AHSA1: variants seen among roughly 807,000 people sequenced by gnomAD.
AHSA1 encodes the protein activator of 90 kDa heat shock protein ATPase homolog 1.
A neutral mutation model predicts 46.1 loss-of-function variants in AHSA1; 14 were observed. The ratio of observed to expected loss-of-function variants is 0.30; its 90% CI spans 0.20 to 0.47. The LOEUF (loss-of-function observed/expected upper bound fraction) is 0.47. Among genes scored for constraint, AHSA1 ranks in the 20% least tolerant of loss-of-function variants. The pLI is 0.99. For missense variants in AHSA1, 333 were observed against 415.9 expected (o/e 0.80, Z 1.73); for synonymous variants, 147 against 145.8 (o/e 1.01, Z -0.06).
intron 5 of AHSA1, 22 bp downstream of exon 5, chr14:77,464,708 G>C (rs369974885): frequency 5.6e-6 from 9 of 1,604,318 alleles, no homozygotes; most frequent in Non-Finnish European, 6.8e-6. Flanking sequence ...TCCTGGGGTG[G>C]GAGACTGTCT....
At chr14:77,466,460 TA>T (rs2079048369) in intron 6 of AHSA1, 1 of 152,450 alleles carries the variant, frequency 6.6e-6, no homozygotes, top group Non-Finnish European at 1.5e-5. Flanking sequence ...TATTATCTGA[TA>T]GTAAAGGTGG....
At chr14:77,467,121 A>G (rs1381774242) in intron 6 of AHSA1, among the ~76,000 whole-genome samples, 4 of 152,232 alleles carry the variant, frequency 2.6e-5, no homozygotes, top group Admixed American at 6.5e-5. Flanking sequence ...GGAGTAGGCC[A>G]GGCACAGTGG....
chr14:77,469,108 C>T lies in AHSA1; in HGVS notation c.876C>T (p.Ile292=), dbSNP rs1206405823. 7 of 1,614,018 alleles carry T rather than the reference C, an allele frequency of 4.3e-6. No individual in the cohort carries two copies. The highest frequency in any genetic ancestry group is 4.0e-5 in the African/African-American group (3 of 74,918). ...TTGCCACCATCACCTTGACCTTCAT[C>T]GACAAGAACGGAGAGACTGAGCTGT... is the stretch of plus-strand genomic sequence containing the variant. ...GHFATITLTF[I]DKNGETELCM... is the part of the protein sequence containing the mutation. The change falls in exon 9 of 9, where the codon ATC becomes ATT. Residue 292 remains isoleucine (I), a synonymous_variant. Coordinates refer to ENST00000216479, the MANE Select transcript of AHSA1 (RefSeq NM_012111.3).
In AHSA1 at chr14:77,464,586, TTA is replaced by T; in HGVS notation, c.473-10_473-9del. 1 of 1,608,052 alleles carries T rather than the reference TTA, an allele frequency of 6.2e-7. No homozygotes were observed. Among genetic ancestry groups the T allele is most frequent in the Non-Finnish European group, 8.5e-7 (1 of 1,177,818 alleles). On this transcript the variant is annotated splice_polypyrimidine_tract_variant and intron_variant, in intron 4 of 8. Coordinates refer to ENST00000216479, the MANE Select transcript of AHSA1 (RefSeq NM_012111.3). Reference sequence around the variant, plus strand: ...GAAGTAACTTCCATGAGCTGGAATTTTATCTTTTCAGAGTTCACCCAGGGCAT... The same window carrying T: ...GAAGTAACTTCCATGAGCTGGAATTTTCTTTTCAGAGTTCACCCAGGGCAT...
intron 7 of AHSA1, 93 bp downstream of exon 7, chr14:77,468,277 C>CT (rs2079057131): frequency 2.7e-6 from 3 of 1,100,052 alleles, no homozygotes; most frequent in Non-Finnish European, 2.6e-6. Context: ...AAATGTAAGG[C>CT]TTTAATCTCT....
At chr14:77,461,441 A>C (rs2079024157) in intron 2 of AHSA1, among the ~76,000 whole-genome samples, 1 of 152,138 alleles carries the variant, frequency 6.6e-6, no homozygotes, top group Admixed American at 6.5e-5. Context: ...GAAGCAGAAG[A>C]ATTGCTTGAA....
intron 2 of AHSA1, among the ~76,000 whole-genome samples, chr14:77,461,490 A>G (rs993561037): frequency 3.9e-5 from 6 of 152,160 alleles, no homozygotes; most frequent in Admixed American, 2.0e-4. Flanking sequence ...AGATCATGCC[A>G]CTGCAATCCA....
intron 7 of AHSA1, 75 bp downstream of exon 7, chr14:77,468,259 T>A: frequency 9.6e-7 from 1 of 1,038,408 alleles, no homozygotes; most frequent in Non-Finnish European, 1.4e-6. Flanking sequence ...TTCTGAACTC[T>A]ATAGGTAAAA....
intron 6 of AHSA1, among the ~76,000 whole-genome samples, chr14:77,466,932 A>G (rs1269587093): frequency 2.6e-5 from 4 of 152,252 alleles, no homozygotes; most frequent in African/African-American, 7.2e-5. Context: ...TAAAGTTTTC[A>G]GAGTTTTAAA....
At position 77,465,783 on chromosome 14, in the gene AHSA1, C is replaced by T. The variant is rs1005434317; in HGVS notation, c.690+116C>T. 61 of 1,047,632 alleles carry T rather than the reference C, an allele frequency of 5.8e-5. 1 individual carries two copies. Among genetic ancestry groups the T allele is most frequent in the Admixed American group, 1.2e-4 (4 of 32,900 alleles). The allele number at this position is 1,047,632 out of a possible 1,614,324, so 64.9% of individuals were successfully genotyped here. On this transcript the variant is annotated intron_variant, in intron 6 of 8. Coordinates refer to ENST00000216479, the MANE Select transcript of AHSA1 (RefSeq NM_012111.3). ...GGTACTCACAAACTCACAACTGGAGCCATGAGGCCTTCATCAAAGTGAATT... is the reference window on the plus strand; with the variant it reads ...GGTACTCACAAACTCACAACTGGAGTCATGAGGCCTTCATCAAAGTGAATT...
chr14:77,459,068 A>G (rs761979566), intron 1 of AHSA1, among the ~76,000 whole-genome samples: 9 of 152,192 alleles, frequency 5.9e-5, no homozygotes, highest in Non-Finnish European at 1.2e-4. Context: ...CTTAACATGC[A>G]GAGTACTTGA....
At position 77,462,770 on chromosome 14, in the gene AHSA1, A is replaced by G. The variant is rs1376238009; in HGVS notation, c.472+11A>G. ...GCACCCTCAAAACAGGTATCCCTTGAGTAGTTCTGTATGCCTTAAGGAGGT... is the reference window on the plus strand; with the variant it reads ...GCACCCTCAAAACAGGTATCCCTTGGGTAGTTCTGTATGCCTTAAGGAGGT... On this transcript the variant is annotated intron_variant, in intron 4 of 8. Transcript: ENST00000216479. The G allele has an allele frequency of 2.5e-6, 4 of 1,609,830 alleles. No individual in the cohort carries two copies. The Admixed American group carries it at 5.0e-5, about 20-fold the overall frequency.
At position 77,469,208 on chromosome 14, in the gene AHSA1, G is replaced by A. The variant is rs906977051; in HGVS notation, c.976G>A (p.Gly326Ser). ...GGGCTGGCAGCGGTACTACTTTGAG[G>A]GCATTAAACAGACCTTTGGCTATGG... is the stretch of plus-strand genomic sequence containing the variant. ...RQGWQRYYFE[G>S]IKQTFGYGAR... Residue 326 changes from glycine to serine, a missense_variant, in exon 9 of 9, where the codon GGC (glycine) becomes AGC (serine). Gly to Ser is a moderately conservative substitution (Grantham distance 56). Coordinates refer to ENST00000216479, the MANE Select transcript of AHSA1 (RefSeq NM_012111.3). The A allele has an allele frequency of 6.2e-7, 1 of 1,613,866 alleles. No homozygotes were observed. The highest frequency in any genetic ancestry group is 8.5e-7 in the Non-Finnish European group (1 of 1,179,982).
chr14:77,458,368 TAG>T, intron 1 of AHSA1, 99 bp downstream of exon 1: 1 of 1,282,764 alleles, frequency 7.8e-7, no homozygotes, highest in South Asian at 1.4e-5. Flanking sequence ...GGGGCTGAGG[TAG>T]CCCTGTCCGG....
At chr14:77,463,236 C>T (rs2079033343) in intron 4 of AHSA1, 1 of 181,822 alleles carries the variant, frequency 5.5e-6, no homozygotes, top group Non-Finnish European at 1.2e-5. Context: ...GAGCTGAGAT[C>T]ATGCCACTGC....
At chr14:77,462,132 A>G (rs374259529) in intron 2 of AHSA1, 28 bp from the exon 3 acceptor site, 25 of 1,553,176 alleles carry the variant, frequency 1.6e-5, no homozygotes, top group Non-Finnish European at 2.2e-5. Flanking sequence ...CAAGGAGTGG[A>G]CTAATGACAT....
chr14:77,468,074 T>TA lies in AHSA1; in HGVS notation c.691-9_691-8insA. ...CTCTTTTTTTTTTTTTTTTTTTTTT[T>TA]CCCTGCAGCTGGTGCAGGCCTTTAC... On this transcript the variant is annotated splice_polypyrimidine_tract_variant and intron_variant, in intron 6 of 8. Transcript: ENST00000216479. The TA allele has an allele frequency of 3.8e-6, 5 of 1,303,048 alleles. No individual in the cohort carries two copies. Among genetic ancestry groups the TA allele is most frequent in the Admixed American group, 3.0e-5 (1 of 33,016 alleles). The allele number at this position is 1,303,048 out of a possible 1,614,324, so 80.7% of individuals were successfully genotyped here. A position where few individuals can be genotyped will look rare whatever the true frequency, so the allele number is the denominator to read the frequency against.
intron 8 of AHSA1, 123 bp downstream of exon 8, chr14:77,468,631 C>A: frequency 1.2e-6 from 1 of 841,670 alleles, no homozygotes. Flanking sequence ...GGCATAATCA[C>A]AGCAAACTGC....
intron 2 of AHSA1, among the ~76,000 whole-genome samples, chr14:77,460,966 T>C (rs1594938346): frequency 6.6e-6 from 1 of 151,422 alleles, no homozygotes; most frequent in Admixed American, 6.6e-5. Context: ...AAGACCATCC[T>C]GGCTGACACA....
Sources: allele counts gnomAD v4.1 joint callset (sites outside exome capture counted in the v4.1 genomes callset), GRCh38; gene constraint gnomAD v4.1.1; transcripts MANE v1.5; gene names NCBI Gene and HGNC (gene_info 2026-07-23, HGNC 2026-07-21).